COL27A1: variants seen among roughly 807,000 people sequenced by gnomAD.
The protein encoded by COL27A1 is collagen alpha-1(XXVII) chain.
Under a neutral mutation model 251.3 loss-of-function variants are expected in COL27A1, and 106 were observed. The observed-to-expected ratio is 0.42, with a 90% CI of 0.36 to 0.50. The LOEUF is 0.50. COL27A1 is among the 20% of genes least tolerant of loss of function. The pLI, the probability that COL27A1 is intolerant of heterozygous loss-of-function variation, is 0.00. For synonymous variants in COL27A1, 1,000 were observed against 986.3 expected (o/e 1.01, Z -0.26); for missense variants, 2,325 against 2,522.8 (o/e 0.92, Z 1.68).
intron 6 of COL27A1, among the ~76,000 whole-genome samples, chr9:114,195,031 G>A (rs1294165950): frequency 6.6e-6 from 1 of 152,144 alleles, no homozygotes; most frequent in Non-Finnish European, 1.5e-5. Context: ...GGGACTTGGA[G>A]GGAGTGCAGG....
chr9:114,215,559 G>A (rs945934344), intron 12 of COL27A1, among the ~76,000 whole-genome samples: 3 of 152,140 alleles, frequency 2.0e-5, no homozygotes, highest in Non-Finnish European at 2.9e-5. Context: ...TTTAGACCAC[G>A]AGAGAAAGGG....
intron 16 of COL27A1, among the ~76,000 whole-genome samples, chr9:114,232,117 T>C (rs1564499971): frequency 6.6e-6 from 1 of 152,052 alleles, no homozygotes; most frequent in Non-Finnish European, 1.5e-5. Flanking sequence ...GGAGGGCAGG[T>C]ATGTCAAGAC....
At chr9:114,298,892 C>T (rs1828425273) in intron 49 of COL27A1, among the ~76,000 whole-genome samples, 1 of 152,090 alleles carries the variant, frequency 6.6e-6, no homozygotes, top group African/African-American at 2.4e-5. Flanking sequence ...TGATAAGGAA[C>T]ATGTATCTCT....
chr9:114,267,599 C>G (rs775937266), intron 34 of COL27A1, 42 bp downstream of exon 34: 3 of 1,566,292 alleles, frequency 1.9e-6, no homozygotes, highest in Non-Finnish European at 2.6e-6. Context: ...TTGTTGAAAC[C>G]AGCTCCCAGA....
At position 114,311,378 on chromosome 9, in the gene COL27A1, T is replaced by G; in HGVS notation, c.*683T>G. The G allele has an allele frequency of 6.7e-6, 1 of 150,204 alleles. No homozygotes were observed. The allele number at this position is 150,204 out of a possible 1,614,324, so 9.3% of individuals were successfully genotyped here. ...AAATCCCTATTTAAGATTCTGAAGG[T>G]GCTACCATTATTTTGCCACAGACTT... On this transcript the variant is annotated 3_prime_UTR_variant, in exon 61 of 61. Coordinates refer to ENST00000356083, the MANE Select transcript of COL27A1 (RefSeq NM_032888.4).
chr9:114,187,104 A>G (rs1202819058), intron 5 of COL27A1, among the ~76,000 whole-genome samples: 8 of 152,252 alleles, frequency 5.3e-5, no homozygotes, highest in Non-Finnish European at 1.0e-4. Context: ...AGCAGAGGGC[A>G]GGCTCCATGG....
In COL27A1 at chr9:114,231,316, G is replaced by A. The variant is rs1043114424; in HGVS notation, c.2520+184G>A. 2.0e-5 allele frequency among the ~76,000 whole-genome samples: 3 copies of A among 152,300 alleles called. No homozygotes were observed. The East Asian group carries it at 5.8e-4, about 29-fold the overall frequency. On this transcript the variant is annotated intron_variant, in intron 15 of 60. Coordinates refer to ENST00000356083, the MANE Select transcript of COL27A1 (RefSeq NM_032888.4). ...CTGTCAGCTCTGGCCTCAGAGCCAG[G>A]CATCATCTGTATGTCATTTAGGCCA...
intron 21 of COL27A1, 60 bp downstream of exon 21, chr9:114,240,547 C>T: frequency 1.3e-6 from 2 of 1,522,270 alleles, no homozygotes; most frequent in African/African-American, 2.7e-5. Flanking sequence ...CCCAGCCTGC[C>T]CTGTCCTGGG....
chr9:114,259,759 G>A (rs551815139), intron 28 of COL27A1, among the ~76,000 whole-genome samples: 203 of 152,272 alleles, frequency 1.3e-3, no homozygotes, highest in Non-Finnish European at 2.2e-3. Flanking sequence ...GCGTGGGGCC[G>A]TGCAGCCTTA....
In COL27A1 at chr9:114,206,140, C is replaced by T. The variant is rs771136015; in HGVS notation, c.2224-112C>T. ...CAAAGATCGCTGATCTAACCCCACCCCCATTCTACAAAGAGAGCAGCAGAG... is the reference window on the plus strand; with the variant it reads ...CAAAGATCGCTGATCTAACCCCACCTCCATTCTACAAAGAGAGCAGCAGAG... On this transcript the variant is annotated intron_variant, in intron 9 of 60. Coordinates refer to ENST00000356083, the MANE Select transcript of COL27A1 (RefSeq NM_032888.4). 595 of 1,050,644 alleles carry T rather than the reference C, an allele frequency of 5.7e-4. 2 individuals are homozygous for T. Among genetic ancestry groups the T allele is most frequent in the Non-Finnish European group, 1.4e-4 (97 of 686,834 alleles). The allele number at this position is 1,050,644 out of a possible 1,614,324, so 65.1% of individuals were successfully genotyped here. A position where few individuals can be genotyped will look rare whatever the true frequency, so the allele number is the denominator to read the frequency against.
intron 1 of COL27A1, among the ~76,000 whole-genome samples, chr9:114,157,848 T>G (rs1848222426): frequency 6.6e-6 from 1 of 152,236 alleles, no homozygotes; most frequent in African/African-American, 2.4e-5. Flanking sequence ...AACCGGCACC[T>G]TATTCCTAGC....
chr9:114,207,519 T>C (rs1279302978), intron 10 of COL27A1, among the ~76,000 whole-genome samples: 4 of 152,178 alleles, frequency 2.6e-5, no homozygotes, highest in African/African-American at 9.7e-5. Flanking sequence ...GTTAATGACA[T>C]CTGGGGTTGC....
rs764734738 is a variant in COL27A1, at chr9:114,304,696, T to C, written c.4938+23T>C. On this transcript the variant is annotated intron_variant, in intron 57 of 60. Coordinates refer to ENST00000356083, the MANE Select transcript of COL27A1 (RefSeq NM_032888.4). ...GAGGTATCTCCAGGGGCTCTCCCCATGTGGGATCCCTTCCTGGGAGAAACG... is the reference window on the plus strand; with the variant it reads ...GAGGTATCTCCAGGGGCTCTCCCCACGTGGGATCCCTTCCTGGGAGAAACG... 6.8e-6 allele frequency: 11 copies of C among 1,607,696 alleles called. No homozygotes were observed. The Admixed American group carries it at 1.5e-4, about 22-fold the overall frequency.
intron 27 of COL27A1, among the ~76,000 whole-genome samples, chr9:114,257,944 T>C (rs1353509338): frequency 6.6e-6 from 1 of 152,136 alleles, no homozygotes; most frequent in East Asian, 1.9e-4. Flanking sequence ...ACACCTGTAA[T>C]CCCAGCAATT....
At chr9:114,159,491 G>C (rs1425122447) in intron 1 of COL27A1, among the ~76,000 whole-genome samples, 1 of 152,202 alleles carries the variant, frequency 6.6e-6, no homozygotes, top group Non-Finnish European at 1.5e-5. Flanking sequence ...GAGGGGGCTG[G>C]AAGGAGATGG....
intron 25 of COL27A1, among the ~76,000 whole-genome samples, chr9:114,251,675 C>T (rs1232634890): frequency 2.6e-5 from 4 of 152,182 alleles, no homozygotes; most frequent in African/African-American, 9.6e-5. Context: ...ACCTACAAAC[C>T]ATTGACTGCG....
chr9:114,182,622 A>G (rs1828021732), intron 4 of COL27A1, among the ~76,000 whole-genome samples: 2 of 152,180 alleles, frequency 1.3e-5, no homozygotes, highest in South Asian at 2.1e-4. Flanking sequence ...TGACGGGGCT[A>G]GGCTGAGAGA....
intron 14 of COL27A1, among the ~76,000 whole-genome samples, chr9:114,228,193 C>G (rs1588705609): frequency 6.6e-6 from 1 of 152,304 alleles, no homozygotes; most frequent in Admixed American, 6.5e-5. Context: ...CCCCGAGGCC[C>G]CACAAAGGTG....
At position 114,275,662 on chromosome 9, in the gene COL27A1, G is replaced by C; in HGVS notation, c.3611G>C (p.Gly1204Ala). The change falls in exon 37 of 61, where the codon GGG (glycine) becomes GCG (alanine). Residue 1204 changes from glycine (G) to alanine (A), a missense_variant and splice_region_variant. Transcript: ENST00000356083. ...SGPMGPDGLK[G>A]DRGDPGPDGE... ...CCCTCTTCATGCCCTGCCACCCAGG[G>C]GGACAGGGGAGACCCAGGGCCTGAT... The C allele has an allele frequency of 3.9e-6, 6 of 1,546,514 alleles. No individual in the cohort carries two copies. Among genetic ancestry groups the C allele is most frequent in the Non-Finnish European group, 5.2e-6 (6 of 1,144,442 alleles).
Sources: allele counts gnomAD v4.1 joint callset (sites outside exome capture counted in the v4.1 genomes callset), GRCh38; gene constraint gnomAD v4.1.1; transcripts MANE v1.5; gene names NCBI Gene and HGNC (gene_info 2026-07-23, HGNC 2026-07-21).